Variants in CSMD1 observed in about 807,000 individuals in gnomAD.
The protein encoded by CSMD1 is CUB and Sushi multiple domains 1, also known as CUB and sushi domain-containing protein 1.
CSMD1 carries 213 observed loss-of-function variants against 417.5 expected under a neutral mutation model. That is an observed-to-expected ratio of 0.51 (90% confidence interval 0.46 to 0.57). CSMD1 has a LOEUF of 0.57. CSMD1 is among the 20% of genes least tolerant of loss of function. CSMD1 has a pLI of 0.00. For synonymous variants in CSMD1, 2,862 were observed against 1,736.8 expected, an observed-to-expected ratio of 1.65 and a Z score of -16.11; for missense variants, 6,923 against 4,529.7, an observed-to-expected ratio of 1.53 and a Z score of -15.17.
chr8:3,370,429 A>G (rs1250846876), intron 18 of CSMD1, among the ~76,000 whole-genome samples: 1 of 152,138 alleles, frequency 6.6e-6, no homozygotes, highest in African/African-American at 2.4e-5. Flanking sequence ...TGTGAGGCCT[A>G]TGGATGTCAC....
chr8:2,960,778 T>C (rs930758779), intron 62 of CSMD1, among the ~76,000 whole-genome samples: 3 of 151,932 alleles, frequency 2.0e-5, no homozygotes, highest in African/African-American at 7.2e-5. Context: ...CTTTTATGGG[T>C]AGCTAATCAG....
intron 7 of CSMD1, among the ~76,000 whole-genome samples, chr8:3,638,955 A>G (rs187909349): frequency 2.0e-4 from 30 of 152,354 alleles, no homozygotes; most frequent in Non-Finnish European, 4.1e-4. Context: ...ATGGGAATTC[A>G]GAAATTATTT....
chr8:4,431,559 G>A (rs6558880), intron 2 of CSMD1, among the ~76,000 whole-genome samples: 35,889 of 151,894 alleles, frequency 0.24, 4,843 homozygotes, highest in Non-Finnish European at 0.32. Context: ...CACCAGCCCC[G>A]GCCCCATTTC....
At chr8:4,390,484 C>T (rs1803768365) in intron 3 of CSMD1, among the ~76,000 whole-genome samples, 1 of 60,064 alleles carries the variant, frequency 1.7e-5, no homozygotes, top group Non-Finnish European at 3.4e-5. Context: ...CTGTTACCCA[C>T]AGAAGCGTCC....
intron 2 of CSMD1, among the ~76,000 whole-genome samples, chr8:4,527,088 A>G (rs1373569414): frequency 1.3e-5 from 2 of 152,038 alleles, no homozygotes; most frequent in Admixed American, 6.6e-5. Flanking sequence ...AATTTTTTTC[A>G]GAAGCTTCGG....
rs111491435 is a variant in CSMD1, at chr8:3,093,616, T to C, written c.7139-1954A>G. 4.7e-3 allele frequency among the ~76,000 whole-genome samples: 710 copies of C among 151,956 alleles called. 4 individuals carry two copies. Among genetic ancestry groups the C allele is most frequent in the African/African-American group, 0.016 (648 of 41,420 alleles). ...CCAGGAGGTGGAAGTTGCAGTGAGC[T>C]GAGGTTGTGCCATTGCACTCCAGCC... is the stretch of plus-strand genomic sequence containing the variant. On this transcript the variant is annotated intron_variant, in intron 47 of 69. Transcript: ENST00000635120.
chr8:4,126,873 C>T (rs1003230577), intron 3 of CSMD1, among the ~76,000 whole-genome samples: 1 of 152,142 alleles, frequency 6.6e-6, no homozygotes, highest in African/African-American at 2.4e-5. Context: ...CCCAGGACCA[C>T]AGCATCTGTC....
chr8:4,239,647 C>A (rs913001812), intron 3 of CSMD1, among the ~76,000 whole-genome samples: 46 of 152,180 alleles, frequency 3.0e-4, no homozygotes, highest in Admixed American at 3.0e-3. Context: ...TGCAGCCATG[C>A]TCGGGGTCAC....
intron 5 of CSMD1, among the ~76,000 whole-genome samples, chr8:3,774,998 T>G (rs1003779669): frequency 2.0e-5 from 3 of 151,974 alleles, no homozygotes; most frequent in Non-Finnish European, 2.9e-5. Flanking sequence ...CGATTCCCAC[T>G]CCCGGCAGGA....
intron 1 of CSMD1, among the ~76,000 whole-genome samples, chr8:4,768,464 T>G (rs769628003): frequency 2.6e-5 from 4 of 152,238 alleles, no homozygotes; most frequent in South Asian, 2.1e-4. Flanking sequence ...TTATTTGCAG[T>G]TGATTCTCTT....
chr8:3,249,180 G>A (rs1471043633), intron 26 of CSMD1, among the ~76,000 whole-genome samples: 2 of 152,128 alleles, frequency 1.3e-5, no homozygotes, highest in South Asian at 2.1e-4. Flanking sequence ...TGTAACAAAC[G>A]ATATGAAGAA....
At chr8:2,996,791 C>A (rs1229374556) in intron 54 of CSMD1, among the ~76,000 whole-genome samples, 1 of 152,222 alleles carries the variant, frequency 6.6e-6, no homozygotes, top group Non-Finnish European at 1.5e-5. Context: ...TTCTGCACAT[C>A]AGATATTTCC....
At chr8:4,060,662 C>T (rs1424940792) in intron 3 of CSMD1, among the ~76,000 whole-genome samples, 1 of 152,090 alleles carries the variant, frequency 6.6e-6, no homozygotes, top group Admixed American at 6.5e-5. Flanking sequence ...GAAGCGGCAC[C>T]TGGCATGAAC....
At chr8:4,187,786 T>C (rs1254568771) in intron 3 of CSMD1, among the ~76,000 whole-genome samples, 3 of 148,040 alleles carry the variant, frequency 2.0e-5, no homozygotes, top group Non-Finnish European at 3.0e-5. Context: ...TATAGTAAAA[T>C]AGGCAGGTAT....
intron 1 of CSMD1, among the ~76,000 whole-genome samples, chr8:4,922,432 G>A (rs79626439): frequency 0.035 from 5,255 of 152,196 alleles, 95 homozygotes; most frequent in Middle Eastern, 0.085. Context: ...AAGGTCAAAT[G>A]ATATTTAGCA....
chr8:3,238,182 C>T (rs112190994), intron 26 of CSMD1, among the ~76,000 whole-genome samples: 24,337 of 151,328 alleles, frequency 0.16, 2,182 homozygotes, highest in East Asian at 0.28. Context: ...CTCTGGTGGG[C>T]AGGTGTGGGG....
intron 50 of CSMD1, among the ~76,000 whole-genome samples, chr8:3,049,437 G>C (rs908900791): frequency 1.3e-5 from 2 of 152,098 alleles, no homozygotes; most frequent in African/African-American, 4.8e-5. Flanking sequence ...GCAAAATCAT[G>C]GAGGAAACTT....
At chr8:3,724,486 T>C (rs936175585) in intron 6 of CSMD1, among the ~76,000 whole-genome samples, 2 of 152,170 alleles carry the variant, frequency 1.3e-5, no homozygotes, top group Admixed American at 1.3e-4. Flanking sequence ...GGTAGCTATA[T>C]AACCTTTAAA....
intron 3 of CSMD1, among the ~76,000 whole-genome samples, chr8:4,136,713 G>A (rs1468537967): frequency 1.3e-5 from 2 of 152,140 alleles, no homozygotes; most frequent in Admixed American, 1.3e-4. Flanking sequence ...AACATCTTAT[G>A]TAGCCATCAA....
Sources: allele counts gnomAD v4.1 joint callset (sites outside exome capture counted in the v4.1 genomes callset), GRCh38; gene constraint gnomAD v4.1.1; transcripts MANE v1.5; gene names NCBI Gene and HGNC (gene_info 2026-07-23, HGNC 2026-07-21).